Variants in CCDC85C observed in about 807,000 individuals in gnomAD.
CCDC85C encodes the protein coiled-coil domain-containing protein 85C.
CCDC85C carries 18 observed loss-of-function variants against 38.3 expected under a neutral mutation model. The ratio of observed to expected loss-of-function variants is 0.47; its 90% confidence interval spans 0.33 to 0.70. The LOEUF is 0.70. CCDC85C is among the 30% of genes least tolerant of loss of function. CCDC85C has a pLI of 0.03. For missense variants in CCDC85C, 566 were observed against 621.2 expected, an observed-to-expected ratio of 0.91 and a Z score of 0.94; for synonymous variants, 264 against 293.8, an observed-to-expected ratio of 0.90 and a Z score of 1.04.
At chr14:99,567,355 A>T (rs189816121) in intron 1 of CCDC85C, among the ~76,000 whole-genome samples, 123 of 152,326 alleles carry the variant, frequency 8.1e-4, no homozygotes, top group African/African-American at 2.9e-3. Flanking sequence ...CAGGAGGGAC[A>T]GAAGTTTTTC....
chr14:99,514,098 C>G lies in CCDC85C; in HGVS notation c.*1148G>C, dbSNP rs1421847699. ...CAGCTCCACCCGGCCCGCCCTCAGCCGTCGGCTGTTGGCTCACGCCCCCTC... is the reference window on the plus strand; with the variant it reads ...CAGCTCCACCCGGCCCGCCCTCAGCGGTCGGCTGTTGGCTCACGCCCCCTC... On this transcript the variant is annotated 3_prime_UTR_variant, in exon 6 of 6. Coordinates refer to ENST00000380243, the MANE Select transcript of CCDC85C (RefSeq NM_001144995.2). 6.6e-6 allele frequency: 1 copy of G among 152,370 alleles called. No individual in the cohort carries two copies. Among genetic ancestry groups the G allele is most frequent in the Non-Finnish European group, 1.5e-5 (1 of 68,138 alleles). 9.4% of individuals were successfully genotyped at this position (152,370 alleles called of 1,614,324 possible). A position where few individuals can be genotyped will look rare whatever the true frequency, so the allele number is the denominator to read the frequency against.
At chr14:99,590,465 C>T (rs1406255633) in intron 1 of CCDC85C, among the ~76,000 whole-genome samples, 2 of 152,144 alleles carry the variant, frequency 1.3e-5, no homozygotes, top group Non-Finnish European at 2.9e-5. Context: ...GATGGGTTGT[C>T]GGGGGTACCG....
At position 99,531,658 on chromosome 14, in the gene CCDC85C, C is replaced by T. The variant is rs186232812; in HGVS notation, c.867+4357G>A. ...CCCTCCCACCCAAACCCCAAAGCCACGTCACCTTATGCTATTCCAGAGAAG... is the reference window on the plus strand; with the variant it reads ...CCCTCCCACCCAAACCCCAAAGCCATGTCACCTTATGCTATTCCAGAGAAG... On this transcript the variant is annotated intron_variant, in intron 2 of 5. Coordinates refer to ENST00000380243, the MANE Select transcript of CCDC85C (RefSeq NM_001144995.2). 5.1e-3 allele frequency among the ~76,000 whole-genome samples: 761 copies of T among 150,690 alleles called. 6 individuals are homozygous for T. The highest frequency in any genetic ancestry group is 0.018 in the African/African-American group (719 of 40,856).
At chr14:99,565,811 C>T (rs925883941) in intron 1 of CCDC85C, among the ~76,000 whole-genome samples, 2 of 152,194 alleles carry the variant, frequency 1.3e-5, no homozygotes, top group Non-Finnish European at 2.9e-5. Flanking sequence ...GCAACAAACA[C>T]AAATGGGTTT....
At chr14:99,521,621 T>G (rs1211729424) in intron 3 of CCDC85C, among the ~76,000 whole-genome samples, 2 of 152,144 alleles carry the variant, frequency 1.3e-5, no homozygotes, top group East Asian at 3.9e-4. Context: ...GGGCCTGGAC[T>G]CCTGTGGCTC....
At position 99,510,866 on chromosome 14, in the gene CCDC85C, T is replaced by TA; in HGVS notation, c.*4379dup. ...TAGTTGAAGTGGGTAAGCAGCAGGG[T>TA]ACCTTGTATAATGCACGACAGTTGC... On this transcript the variant is annotated 3_prime_UTR_variant, in exon 6 of 6. Coordinates refer to ENST00000380243, the MANE Select transcript of CCDC85C (RefSeq NM_001144995.2). 8.4e-7 allele frequency: 1 copy of TA among 1,196,542 alleles called. No homozygotes were observed. Among genetic ancestry groups the TA allele is most frequent in the South Asian group, 2.5e-5 (1 of 39,444 alleles). The allele number at this position is 1,196,542 out of a possible 1,614,324, so 74.1% of individuals were successfully genotyped here. A position where few individuals can be genotyped will look rare whatever the true frequency, so the allele number is the denominator to read the frequency against.
At chr14:99,583,253 C>T (rs926759588) in intron 1 of CCDC85C, 1 of 152,008 alleles carries the variant, frequency 6.6e-6, no homozygotes, top group Non-Finnish European at 1.5e-5. Flanking sequence ...ACCTGTAATC[C>T]CAGCACTTTG....
At chr14:99,597,642 C>T (rs1042177929) in intron 1 of CCDC85C, among the ~76,000 whole-genome samples, 1 of 152,186 alleles carries the variant, frequency 6.6e-6, no homozygotes, top group Non-Finnish European at 1.5e-5. Context: ...ACAGCACTAA[C>T]CCCCCTAAGA....
intron 1 of CCDC85C, among the ~76,000 whole-genome samples, chr14:99,549,455 G>A (rs1280743763): frequency 1.3e-5 from 2 of 152,174 alleles, no homozygotes; most frequent in African/African-American, 4.8e-5. Flanking sequence ...GGAAGGTGGT[G>A]GTAGGAAGCC....
chr14:99,570,677 C>G (rs1017828751), intron 1 of CCDC85C, among the ~76,000 whole-genome samples: 3 of 152,160 alleles, frequency 2.0e-5, no homozygotes, highest in African/African-American at 7.2e-5. Context: ...TCCAGGGGGT[C>G]TTCCCGGCAC....
intron 1 of CCDC85C, among the ~76,000 whole-genome samples, chr14:99,586,815 T>C (rs188103644): frequency 1.7e-3 from 257 of 152,134 alleles, no homozygotes; most frequent in Non-Finnish European, 3.2e-3. Flanking sequence ...ACCCTATGCC[T>C]GCCACTGTCC....
chr14:99,546,466 T>G (rs1429095656), intron 1 of CCDC85C, among the ~76,000 whole-genome samples: 2 of 151,592 alleles, frequency 1.3e-5, no homozygotes, highest in Admixed American at 1.3e-4. Context: ...GTGAGAGCAG[T>G]GGTGGGAATC....
intron 2 of CCDC85C, chr14:99,534,690 C>T: frequency 1.4e-6 from 1 of 702,408 alleles, no homozygotes. Flanking sequence ...TTAGCAACCA[C>T]AATGGCCCCG....
chr14:99,565,397 A>AAGG (rs1341805618), intron 1 of CCDC85C, among the ~76,000 whole-genome samples: 1 of 152,208 alleles, frequency 6.6e-6, no homozygotes. Flanking sequence ...TGGAGAAGGG[A>AAGG]AGGAGGAGGA....
At position 99,572,967 on chromosome 14, in the gene CCDC85C, G is replaced by T. The variant is rs1898386645; in HGVS notation, c.793+30200C>A. ...CCTGCCTTCGCCTCCTACAAGATAG[G>T]ATGGCAGCAGCCTCAGAGCAGAAGG... On this transcript the variant is annotated intron_variant, in intron 1 of 5. Coordinates refer to ENST00000380243, the MANE Select transcript of CCDC85C (RefSeq NM_001144995.2). This position sits in a 1 kb window ranked among gnomAD's most constrained non-coding sequence, Gnocchi z 4.4. 2 of 384,994 alleles carry T rather than the reference G, an allele frequency of 5.2e-6. No homozygotes were observed. The highest frequency in any genetic ancestry group is 6.0e-5 in the Admixed American group (2 of 33,418). The allele number at this position is 384,994 out of a possible 1,614,324, so 23.8% of individuals were successfully genotyped here.
intron 1 of CCDC85C, among the ~76,000 whole-genome samples, chr14:99,567,176 C>T (rs1436381813): frequency 6.7e-5 from 9 of 133,342 alleles, no homozygotes; most frequent in South Asian, 2.5e-4. Context: ...TGTAGGAGGA[C>T]AGATGAGTGC....
At chr14:99,570,684 G>A (rs1898319812) in intron 1 of CCDC85C, among the ~76,000 whole-genome samples, 1 of 152,152 alleles carries the variant, frequency 6.6e-6, no homozygotes, top group Admixed American at 6.5e-5. Context: ...GGTCTTCCCG[G>A]CACCAGATTC....
In CCDC85C at chr14:99,576,793, C is replaced by T. The variant is rs943832057; in HGVS notation, c.793+26374G>A. On this transcript the variant is annotated intron_variant, in intron 1 of 5. Coordinates refer to ENST00000380243, the MANE Select transcript of CCDC85C (RefSeq NM_001144995.2). The surrounding 1 kb of genome is among the most constrained non-coding windows in gnomAD (Gnocchi z 4.8). ...CACCCTGGGGATTCAGAGGGTGGAA[C>T]GGACTATCAGTCACTCTACAGGAAA... Among the ~76,000 whole-genome samples, 1 of 152,150 alleles carries T rather than the reference C, an allele frequency of 6.6e-6. No individual in the cohort carries two copies. The highest frequency in any genetic ancestry group is 2.4e-5 in the African/African-American group (1 of 41,440).
At chr14:99,543,235 A>G (rs1041830900) in intron 1 of CCDC85C, among the ~76,000 whole-genome samples, 4 of 152,142 alleles carry the variant, frequency 2.6e-5, no homozygotes, top group Non-Finnish European at 5.9e-5. Flanking sequence ...GTGCCAGAAG[A>G]GCTAACTCTG....
Sources: allele counts gnomAD v4.1 joint callset (sites outside exome capture counted in the v4.1 genomes callset), GRCh38; gene constraint gnomAD v4.1.1; non-coding constraint Gnocchi (gnomAD v3.1); transcripts MANE v1.5; gene names NCBI Gene and HGNC (gene_info 2026-07-23, HGNC 2026-07-21).